Variants in EXOC4 observed in about 807,000 individuals in gnomAD.
EXOC4 encodes SEC8-like 1.
Under a neutral mutation model 107.2 loss-of-function variants are expected in EXOC4, and 71 were observed. The ratio of observed to expected loss-of-function variants is 0.66; its 90% CI spans 0.55 to 0.81. The LOEUF (loss-of-function observed/expected upper bound fraction) is 0.81. Among genes scored for constraint, EXOC4 ranks in the 30% least tolerant of loss-of-function variants. The pLI is 0.00. For missense variants in EXOC4, 1,108 were observed against 1,189.6 expected (o/e 0.93, Z 1.01); for synonymous variants, 456 against 441.2 (o/e 1.03, Z -0.42).
At chr7:133,596,873 C>A (rs573227613) in intron 9 of EXOC4, among the ~76,000 whole-genome samples, 1 of 152,288 alleles carries the variant, frequency 6.6e-6, no homozygotes, top group African/African-American at 2.4e-5. Context: ...GAATTGTAGA[C>A]CTTGCTTGTA....
chr7:133,496,193 A>G (rs1799474337), intron 9 of EXOC4, among the ~76,000 whole-genome samples: 1 of 151,968 alleles, frequency 6.6e-6, no homozygotes, highest in Admixed American at 6.6e-5. Flanking sequence ...TCTGTCCCCC[A>G]GGCTGGAGTG....
intron 10 of EXOC4, among the ~76,000 whole-genome samples, chr7:133,785,684 T>G (rs1207316255): frequency 6.6e-6 from 1 of 151,798 alleles, no homozygotes; most frequent in Admixed American, 6.6e-5. Context: ...TTGTTTTTGT[T>G]TTTTTTGAGA....
intron 11 of EXOC4, among the ~76,000 whole-genome samples, chr7:133,834,831 A>T (rs965359711): frequency 6.6e-6 from 1 of 152,182 alleles, no homozygotes; most frequent in African/African-American, 2.4e-5. Context: ...CTCATCTTGA[A>T]TTGTAACTCC....
At chr7:134,067,462 A>G (rs1796197968), downstream of EXOC4, among the ~76,000 whole-genome samples, 1 of 152,074 alleles carries the variant, frequency 6.6e-6, no homozygotes, top group South Asian at 2.1e-4. Context: ...GGTACTTAGC[A>G]TGTGTTCCCA....
intron 1 of EXOC4, among the ~76,000 whole-genome samples, chr7:133,271,869 T>C (rs1793878981): frequency 6.6e-6 from 1 of 152,116 alleles, no homozygotes; most frequent in South Asian, 2.1e-4. Context: ...ATCTCAGCCT[T>C]CACCATTCTT....
chr7:133,714,988 A>G (rs1794970458), intron 10 of EXOC4, among the ~76,000 whole-genome samples: 1 of 152,116 alleles, frequency 6.6e-6, no homozygotes, highest in African/African-American at 2.4e-5. Context: ...TTATGGTTCT[A>G]ATACCTGATT....
At chr7:133,855,003 G>A (rs117420833) in intron 11 of EXOC4, among the ~76,000 whole-genome samples, 1 of 140,216 alleles carries the variant, frequency 7.1e-6, no homozygotes, top group Non-Finnish European at 1.5e-5. Flanking sequence ...GATTATAATG[G>A]CTTCTCTATT....
chr7:133,759,100 C>G (rs966788461), intron 10 of EXOC4, among the ~76,000 whole-genome samples: 2 of 152,076 alleles, frequency 1.3e-5, no homozygotes, highest in African/African-American at 4.8e-5. Flanking sequence ...GGGCACACCT[C>G]CTAGCCCAGC....
intron 9 of EXOC4, among the ~76,000 whole-genome samples, chr7:133,620,279 A>G (rs1443801216): frequency 1.3e-5 from 2 of 151,986 alleles, no homozygotes; most frequent in East Asian, 3.9e-4. Context: ...CACCCGCCTC[A>G]GCCTCCCAAA....
chr7:133,860,818 G>A (rs1798518119), intron 11 of EXOC4, among the ~76,000 whole-genome samples: 1 of 152,150 alleles, frequency 6.6e-6, no homozygotes, highest in Non-Finnish European at 1.5e-5. Flanking sequence ...CATGCATGAT[G>A]TCATGATCTA....
intron 9 of EXOC4, among the ~76,000 whole-genome samples, chr7:133,558,392 A>G (rs1008255685): frequency 3.3e-5 from 5 of 152,086 alleles, no homozygotes; most frequent in African/African-American, 1.2e-4. Flanking sequence ...AGAGTTACAT[A>G]TGTTGCTTTA....
chr7:134,022,385 A>G (rs1795049471), intron 17 of EXOC4, among the ~76,000 whole-genome samples: 1 of 152,104 alleles, frequency 6.6e-6, no homozygotes, highest in Non-Finnish European at 1.5e-5. Context: ...TTTCGTAGCT[A>G]TTGGCTATCA....
At position 133,863,167 on chromosome 7, in the gene EXOC4, A is replaced by G. The variant is rs568116757; in HGVS notation, c.1735-32432A>G. ...TTTAAAAAGAAATCAGTGGAGCATA[A>G]TAGAAAATCAAAACCAGACCAACCT... is the stretch of plus-strand genomic sequence containing the variant. On this transcript the variant is annotated intron_variant, in intron 11 of 17. Transcript: ENST00000253861. 2.1e-3 allele frequency among the ~76,000 whole-genome samples: 320 copies of G among 152,310 alleles called. 3 individuals carry two copies. Among genetic ancestry groups the G allele is most frequent in the African/African-American group, 7.1e-3 (296 of 41,568 alleles).
chr7:134,085,793 A>C, the EXOC4 span, among the ~76,000 whole-genome samples: 46 of 152,354 alleles, frequency 3.0e-4, 1 homozygote, highest in African/African-American at 9.4e-4. Context: ...CTGAGGCTGC[A>C]ATACCAGTTG....
intron 7 of EXOC4, among the ~76,000 whole-genome samples, chr7:133,442,751 C>G (rs760337403): frequency 6.6e-6 from 1 of 151,950 alleles, no homozygotes; most frequent in Non-Finnish European, 1.5e-5. Context: ...TTGAAGGAAT[C>G]GAAGATTTGC....
chr7:133,423,931 G>C (rs535755735), intron 7 of EXOC4, among the ~76,000 whole-genome samples: 1 of 152,196 alleles, frequency 6.6e-6, no homozygotes, highest in African/African-American at 2.4e-5. Context: ...GTCCTGTGGC[G>C]AGTGCTAGCG....
At chr7:133,999,163 T>C (rs1794469826) in intron 15 of EXOC4, among the ~76,000 whole-genome samples, 2 of 152,160 alleles carry the variant, frequency 1.3e-5, no homozygotes, top group Admixed American at 6.6e-5. Flanking sequence ...CTATTCTGTA[T>C]TGCTTTGGAA....
intron 10 of EXOC4, among the ~76,000 whole-genome samples, chr7:133,739,976 A>G (rs1444671112): frequency 6.6e-6 from 1 of 152,166 alleles, no homozygotes; most frequent in African/African-American, 2.4e-5. Context: ...TTTTAAGGGT[A>G]AAGGATTCTA....
intron 3 of EXOC4, among the ~76,000 whole-genome samples, chr7:133,299,315 G>C (rs1438763780): frequency 6.6e-6 from 1 of 152,022 alleles, no homozygotes; most frequent in African/African-American, 2.4e-5. Flanking sequence ...TCAATAGAAA[G>C]TTCTTAGTTT....
Sources: allele counts gnomAD v4.1 joint callset (sites outside exome capture counted in the v4.1 genomes callset), GRCh38; gene constraint gnomAD v4.1.1; transcripts MANE v1.5; gene names NCBI Gene and HGNC (gene_info 2026-07-23, HGNC 2026-07-21).